GMDS: variants seen among roughly 807,000 people sequenced by gnomAD.
GMDS encodes GDP-mannose 4,6 dehydratase.
Under a neutral mutation model 49.9 loss-of-function variants are expected in GMDS, and 20 were observed. That is an observed-to-expected ratio of 0.40 (90% CI 0.28 to 0.58). The LOEUF (loss-of-function observed/expected upper bound fraction) is 0.58, where lower values mean the gene tolerates loss of function less well. GMDS is among the 20% of genes least tolerant of loss of function. The probability of loss-of-function intolerance (pLI) is 0.42; values close to 1 mark genes in which losing one functional copy is unlikely to be tolerated. For missense variants in GMDS, 362 were observed against 481.4 expected (o/e 0.75, Z 2.32); for synonymous variants, 177 against 178.6 (o/e 0.99, Z 0.07).
chr6:1,759,447 G>C (rs1301093811), intron 7 of GMDS, among the ~76,000 whole-genome samples: 1 of 152,184 alleles, frequency 6.6e-6, no homozygotes, highest in Non-Finnish European at 1.5e-5. Context: ...TGATGCTCTT[G>C]TGCATTCTCC....
intron 7 of GMDS, among the ~76,000 whole-genome samples, chr6:1,886,732 T>C (rs1443844554): frequency 6.6e-6 from 1 of 152,218 alleles, no homozygotes; most frequent in Non-Finnish European, 1.5e-5. Flanking sequence ...TAATGTCTGG[T>C]TATTATAATA....
Position 1,847,981 on chromosome 6 carries a change from A to G in GMDS, c.771+82122T>C, listed in dbSNP as rs75512313. 4.9e-3 allele frequency among the ~76,000 whole-genome samples: 753 copies of G among 152,318 alleles called. 7 individuals are homozygous for G. Among genetic ancestry groups the G allele is most frequent in the African/African-American group, 0.017 (705 of 41,574 alleles). On this transcript the variant is annotated intron_variant, in intron 7 of 10. Transcript: ENST00000380815. ...CACCCTGGGAGTGTACGGCCAAGGCATTAAGCCAAACCATGGGTGCTGGAG... is the reference window on the plus strand; with the variant it reads ...CACCCTGGGAGTGTACGGCCAAGGCGTTAAGCCAAACCATGGGTGCTGGAG...
At chr6:1,878,510 G>C (rs928445313) in intron 7 of GMDS, among the ~76,000 whole-genome samples, 3 of 152,042 alleles carry the variant, frequency 2.0e-5, no homozygotes, top group Non-Finnish European at 4.4e-5. Flanking sequence ...ACACAGACAT[G>C]TGACATCACA....
At chr6:1,661,692 G>A (rs1377718531) in intron 9 of GMDS, among the ~76,000 whole-genome samples, 1 of 152,198 alleles carries the variant, frequency 6.6e-6, no homozygotes, top group African/African-American at 2.4e-5. Context: ...CCTCAACCAC[G>A]TTCCAACCCA....
chr6:1,669,960 T>C (rs1432802884), intron 9 of GMDS, among the ~76,000 whole-genome samples: 2 of 129,908 alleles, frequency 1.5e-5, no homozygotes, highest in African/African-American at 5.8e-5. Flanking sequence ...GCCGGTCCCA[T>C]GATGGCTGGG....
chr6:1,772,922 T>A (rs888147003), intron 7 of GMDS, among the ~76,000 whole-genome samples: 2 of 152,226 alleles, frequency 1.3e-5, no homozygotes, highest in African/African-American at 4.8e-5. Flanking sequence ...CAGAGCAAAA[T>A]AGCAGTTAAC....
intron 4 of GMDS, among the ~76,000 whole-genome samples, chr6:2,004,946 T>C (rs1767061383): frequency 6.6e-6 from 1 of 152,212 alleles, no homozygotes. Context: ...AATAAAATCT[T>C]ACACAGTATC....
intron 6 of GMDS, among the ~76,000 whole-genome samples, chr6:1,942,749 G>T (rs926130442): frequency 1.3e-5 from 2 of 152,202 alleles, no homozygotes; most frequent in Admixed American, 1.3e-4. Flanking sequence ...GAAATCGGAC[G>T]TTCCTGCCAT....
chr6:1,950,193 C>T (rs1042843837), intron 6 of GMDS, among the ~76,000 whole-genome samples: 1 of 152,174 alleles, frequency 6.6e-6, no homozygotes, highest in Non-Finnish European at 1.5e-5. Flanking sequence ...CCCTAAAGCA[C>T]TAAAACATCT....
intron 4 of GMDS, among the ~76,000 whole-genome samples, chr6:2,035,524 A>G (rs1769251212): frequency 6.6e-6 from 1 of 152,060 alleles, no homozygotes; most frequent in African/African-American, 2.4e-5. Context: ...CTTATCATTC[A>G]TTTCTGTATC....
chr6:2,087,307 A>G (rs936033174), intron 4 of GMDS, among the ~76,000 whole-genome samples: 1 of 152,230 alleles, frequency 6.6e-6, no homozygotes, highest in Admixed American at 6.5e-5. Context: ...CTTCTTTTGT[A>G]TATGAAAATA....
intron 7 of GMDS, among the ~76,000 whole-genome samples, chr6:1,772,985 C>T (rs1768642145): frequency 6.6e-6 from 1 of 152,170 alleles, no homozygotes; most frequent in Non-Finnish European, 1.5e-5. Flanking sequence ...TTGTGAATGA[C>T]AGAGCCTGCT....
chr6:2,198,499 G>T (rs2127574233), intron 1 of GMDS, among the ~76,000 whole-genome samples: 1 of 151,168 alleles, frequency 6.6e-6, no homozygotes, highest in Non-Finnish European at 1.5e-5. Context: ...TGACCAAAAG[G>T]TCCAAGTTTA....
chr6:2,041,174 T>C (rs181814553), intron 4 of GMDS, among the ~76,000 whole-genome samples: 1 of 152,294 alleles, frequency 6.6e-6, no homozygotes, highest in South Asian at 2.1e-4. Flanking sequence ...TGTAAATATG[T>C]ATACAAAAAT....
intron 4 of GMDS, among the ~76,000 whole-genome samples, chr6:2,049,385 G>C (rs1236994958): frequency 1.3e-5 from 2 of 152,146 alleles, no homozygotes; most frequent in African/African-American, 4.8e-5. Context: ...TATGGTGTTA[G>C]AGGGCAACGC....
Position 2,115,823 on chromosome 6 carries a change from T to G in GMDS, c.293A>C (p.Asn98Thr), listed in dbSNP as rs747300654. The change falls in exon 4 of 11, where the codon AAT becomes ACT. Residue 98 changes from asparagine (N) to threonine (T), a missense_variant. Asn to Thr is a moderately conservative substitution (Grantham distance 65, BLOSUM62 0). Coordinates refer to ENST00000380815, the MANE Select transcript of GMDS (RefSeq NM_001500.4). ...TDSTCLVKII[N>T]EVKPTEIYNL... Reference sequence around the variant, plus strand: ...GTAGATCTCTGTGGGCTTTACTTCATTAATGATCTTCACAAGGCAGGTACT... The same window carrying G: ...GTAGATCTCTGTGGGCTTTACTTCAGTAATGATCTTCACAAGGCAGGTACT... 1 of 1,611,004 alleles carries G rather than the reference T, an allele frequency of 6.2e-7. No individual in the cohort carries two copies. The highest frequency in any genetic ancestry group is 8.5e-7 in the Non-Finnish European group (1 of 1,177,444).
chr6:1,629,993 A>T (rs1762951729), intron 9 of GMDS, among the ~76,000 whole-genome samples: 1 of 152,182 alleles, frequency 6.6e-6, no homozygotes, highest in African/African-American at 2.4e-5. Flanking sequence ...GTGGTAAAAA[A>T]AGTTACAGGT....
At chr6:1,961,427 G>C in intron 4 of GMDS, among the ~76,000 whole-genome samples, 1 of 152,090 alleles carries the variant, frequency 6.6e-6, no homozygotes, top group East Asian at 1.9e-4. Flanking sequence ...AAAAAGGGTT[G>C]TTTTATTTTC....
intron 7 of GMDS, among the ~76,000 whole-genome samples, chr6:1,775,542 T>C (rs188321072): frequency 6.6e-6 from 1 of 152,236 alleles, no homozygotes; most frequent in East Asian, 1.9e-4. Context: ...TTGGACCCAC[T>C]ATACTTTGAA....
Sources: allele counts gnomAD v4.1 joint callset (sites outside exome capture counted in the v4.1 genomes callset), GRCh38; gene constraint gnomAD v4.1.1; transcripts MANE v1.5; gene names NCBI Gene and HGNC (gene_info 2026-07-23, HGNC 2026-07-21).